The following NCOA1 variants were observed in gnomAD, a reference collection of about 807,000 sequenced individuals.
NCOA1 encodes the protein Hin-2 protein.
NCOA1 carries 35 observed loss-of-function variants against 150.9 expected under a neutral mutation model. That is an observed-to-expected ratio of 0.23 (90% CI 0.18 to 0.31). NCOA1 has a LOEUF of 0.31. NCOA1 is among the 10% of genes least tolerant of loss of function. The pLI, the probability that NCOA1 is intolerant of heterozygous loss-of-function variation, is 1.00. For synonymous variants in NCOA1, 590 were observed against 630.0 expected, an observed-to-expected ratio of 0.94 and a Z score of 0.95; for missense variants, 1,491 against 1,749.3, an observed-to-expected ratio of 0.85 and a Z score of 2.63.
chr2:24,543,374 A>T (rs1175594334), intron 1 of NCOA1, among the ~76,000 whole-genome samples: 1 of 152,174 alleles, frequency 6.6e-6, no homozygotes, highest in African/African-American at 2.4e-5. Flanking sequence ...TTTGTGAGGG[A>T]TCTGCCCCCA....
At chr2:24,611,661 T>C (rs1668635141) in intron 3 of NCOA1, among the ~76,000 whole-genome samples, 1 of 152,222 alleles carries the variant, frequency 6.6e-6, no homozygotes, top group African/African-American at 2.4e-5. Context: ...GAACCCTTTA[T>C]TGTAATGTAA....
chr2:24,606,230 C>T (rs999520913), intron 3 of NCOA1, among the ~76,000 whole-genome samples: 7 of 150,764 alleles, frequency 4.6e-5, no homozygotes, highest in Non-Finnish European at 7.4e-5. Context: ...TTATTTTTAT[C>T]ATTATTGTTA....
intron 3 of NCOA1, among the ~76,000 whole-genome samples, chr2:24,602,637 A>T (rs1200210777): frequency 6.6e-6 from 1 of 152,142 alleles, no homozygotes; most frequent in Non-Finnish European, 1.5e-5. Context: ...TAAATTAAAA[A>T]TTTAAGTTAT....
chr2:24,644,832 A>G (rs527729867), intron 4 of NCOA1, among the ~76,000 whole-genome samples: 34 of 152,330 alleles, frequency 2.2e-4, no homozygotes, highest in Non-Finnish European at 2.9e-4. Flanking sequence ...ATAACTTTTT[A>G]TTTATTATGT....
At chr2:24,516,983 CGT>C (rs1664219407) in intron 1 of NCOA1, among the ~76,000 whole-genome samples, 1 of 51,408 alleles carries the variant, frequency 1.9e-5, no homozygotes, top group Non-Finnish European at 5.6e-5. Context: ...TACACATATA[CGT>C]ATATATATAC....
intron 2 of NCOA1, among the ~76,000 whole-genome samples, chr2:24,575,054 C>A (rs1277068280): frequency 2.0e-5 from 3 of 148,248 alleles, no homozygotes; most frequent in African/African-American, 7.4e-5. Flanking sequence ...AAAAATTATG[C>A]TCATTATTTC....
intron 3 of NCOA1, among the ~76,000 whole-genome samples, chr2:24,627,121 G>GT (rs33949925): frequency 0.022 from 2,481 of 115,088 alleles, 31 homozygotes; most frequent in African/African-American, 0.029. Context: ...GTTTTTTGCT[G>GT]TTTTTTTTTT....
intron 3 of NCOA1, among the ~76,000 whole-genome samples, chr2:24,589,036 A>G (rs1667534315): frequency 6.6e-6 from 1 of 152,100 alleles, no homozygotes; most frequent in South Asian, 2.1e-4. Context: ...TGGATATTTC[A>G]GCTTCTGGAT....
intron 3 of NCOA1, among the ~76,000 whole-genome samples, chr2:24,607,485 C>T (rs1668422832): frequency 6.6e-6 from 1 of 152,122 alleles, no homozygotes; most frequent in African/African-American, 2.4e-5. Context: ...GTCAGGAGAT[C>T]AAGACCATCC....
In NCOA1 at chr2:24,706,654, C is replaced by G. The variant is rs918719010; in HGVS notation, c.1184C>G (p.Ser395Cys). The stretch of plus-strand genomic sequence containing the variant: ...AATCCCTCGGTCAATCCTAGTATCT[C>G]TCCAGCTCATGGTGTGGCTCGTTCA... ...RVNPSVNPSI[S>C]PAHGVARSST... The change falls in exon 13 of 23, where the codon TCT becomes TGT. Residue 395 changes from serine (S) to cysteine (C), a missense_variant. By Grantham distance (112) the Ser-to-Cys change is moderately radical. This residue lies in a region of NCOA1 where 703 missense variants were observed against 717.7 expected (regional missense o/e 0.98). Coordinates refer to ENST00000348332, the MANE Select transcript of NCOA1 (RefSeq NM_003743.5). The G allele has an allele frequency of 1.2e-6, 2 of 1,614,112 alleles. No homozygotes were observed. The highest frequency in any genetic ancestry group is 1.3e-5 in the African/African-American group (1 of 74,948).
At chr2:24,695,348 ATGG>A (rs1477421073) in intron 10 of NCOA1, among the ~76,000 whole-genome samples, 1 of 152,152 alleles carries the variant, frequency 6.6e-6, no homozygotes, top group Non-Finnish European at 1.5e-5. Flanking sequence ...AAATGAGGGG[ATGG>A]TGATTTGATC....
chr2:24,586,910 A>G (rs1667436342), intron 3 of NCOA1, among the ~76,000 whole-genome samples: 1 of 152,018 alleles, frequency 6.6e-6, no homozygotes, highest in African/African-American at 2.4e-5. Context: ...TTAGAGTCTT[A>G]GTGTCACCCT....
At chr2:24,700,179 A>G (rs145747837) in intron 11 of NCOA1, among the ~76,000 whole-genome samples, 2,561 of 148,600 alleles carry the variant, frequency 0.017, 75 homozygotes, top group African/African-American at 0.06. Flanking sequence ...AATAATAATA[A>G]TAGTAATAAT....
intron 3 of NCOA1, among the ~76,000 whole-genome samples, chr2:24,612,682 G>A (rs1274985854): frequency 6.6e-6 from 1 of 151,842 alleles, no homozygotes; most frequent in African/African-American, 2.4e-5. Context: ...CCAGTCTATT[G>A]ATAAAGCTTT....
chr2:24,658,980 T>G (rs571325849), intron 5 of NCOA1: 1 of 520,276 alleles, frequency 1.9e-6, no homozygotes, highest in Non-Finnish European at 3.5e-6. Context: ...CACCTACTCA[T>G]CCTTCAGATG....
At chr2:24,532,295 A>T (rs1162283694) in intron 1 of NCOA1, among the ~76,000 whole-genome samples, 2 of 151,812 alleles carry the variant, frequency 1.3e-5, no homozygotes, top group African/African-American at 2.4e-5. Context: ...CCATTTTTTG[A>T]TGGAGTTGTT....
chr2:24,659,151 C>T (rs996750112), intron 5 of NCOA1: 3 of 184,412 alleles, frequency 1.6e-5, no homozygotes, highest in African/African-American at 2.3e-5. Flanking sequence ...CTGGCTTCCC[C>T]GCTAGACTCT....
intron 1 of NCOA1, among the ~76,000 whole-genome samples, chr2:24,541,866 C>T (rs528475549): frequency 1.6e-4 from 24 of 152,268 alleles, no homozygotes; most frequent in Middle Eastern, 3.4e-3. Flanking sequence ...ATAGTTATGA[C>T]ACTGCATCAG....
chr2:24,589,684 TG>T (rs1667570683), intron 3 of NCOA1, among the ~76,000 whole-genome samples: 1 of 152,016 alleles, frequency 6.6e-6, no homozygotes, highest in Non-Finnish European at 1.5e-5. Context: ...TGTGTGTGTT[TG>T]TGCGCACACG....
Sources: gnomAD v4.1 joint callset for allele counts (sites outside exome capture counted in the v4.1 genomes callset) on GRCh38, gnomAD v4.1.1 for gene constraint, gnomAD v4.1.1 regional missense constraint, MANE v1.5 for transcripts, NCBI Gene and HGNC (gene_info 2026-07-23, HGNC 2026-07-21) for gene names.